OTUD7A: variants seen among roughly 807,000 people sequenced by gnomAD.
OTUD7A encodes the protein OTU deubiquitinase 7A, also known as OTU domain-containing protein 7A.
In OTUD7A, 12 loss-of-function variants were observed where a neutral mutation model predicts 65.7. The observed-to-expected ratio is 0.18, with a 90% confidence interval of 0.12 to 0.30. OTUD7A has a LOEUF of 0.30. Among genes scored for constraint, OTUD7A ranks in the 10% least tolerant of loss-of-function variants. The pLI is 1.00. For missense variants in OTUD7A, 1,148 were observed against 1,304.8 expected (o/e 0.88, Z 1.85); for synonymous variants, 641 against 586.3 (o/e 1.09, Z -1.35).
chr15:31,840,992 G>A (rs948004240), intron 1 of OTUD7A, among the ~76,000 whole-genome samples: 30 of 152,254 alleles, frequency 2.0e-4, no homozygotes, highest in East Asian at 7.7e-4. Flanking sequence ...GAGGAATGCC[G>A]TCACCTGTGC....
chr15:31,751,640 G>C (rs1025553103), intron 1 of OTUD7A, among the ~76,000 whole-genome samples: 1 of 152,060 alleles, frequency 6.6e-6, no homozygotes, highest in Non-Finnish European at 1.5e-5. Flanking sequence ...ACTATTCACA[G>C]CAACAAAGAC....
chr15:31,662,937 C>T (rs1892206180), intron 1 of OTUD7A, among the ~76,000 whole-genome samples: 2 of 152,090 alleles, frequency 1.3e-5, no homozygotes, highest in Admixed American at 1.3e-4. Flanking sequence ...CTATTGATTT[C>T]TGTGTGCTAA....
At position 31,703,856 on chromosome 15, in the gene OTUD7A, C is replaced by G. The variant is rs566997655; in HGVS notation, c.-99-46779G>C. Among the ~76,000 whole-genome samples the G allele has an allele frequency of 1.8e-3, 276 of 150,986 alleles. 3 individuals carry two copies. The highest frequency in any genetic ancestry group is 0.017 in the Middle Eastern group (5 of 294). On this transcript the variant is annotated intron_variant, in intron 1 of 12. Coordinates refer to ENST00000307050, the MANE Select transcript of OTUD7A (RefSeq NM_001382637.1). ...GAATGACTAAACAAACTGTGGAATGCCCATACCATGAAATACTACTCAGTA... is the reference window on the plus strand; with the variant it reads ...GAATGACTAAACAAACTGTGGAATGGCCATACCATGAAATACTACTCAGTA...
chr15:31,649,331 C>G (rs576441900), intron 3 of OTUD7A, among the ~76,000 whole-genome samples: 66 of 152,316 alleles, frequency 4.3e-4, no homozygotes, highest in African/African-American at 1.4e-3. Context: ...AGGTTGTGAT[C>G]AGCCTCTGCT....
rs562217060 is a variant in OTUD7A at position 31,659,491 on chromosome 15, G to A, written c.-99-2414C>T. ...TCTAAGAGGGTGCAAAAACACTCAGGAATCGACATAAACAACATTTTAGTG... is the reference window on the plus strand; with the variant it reads ...TCTAAGAGGGTGCAAAAACACTCAGAAATCGACATAAACAACATTTTAGTG... On this transcript the variant is annotated intron_variant, in intron 1 of 12. Transcript: ENST00000307050. 1.6e-4 allele frequency among the ~76,000 whole-genome samples: 25 copies of A among 152,330 alleles called. 1 individual carries two copies. The East Asian group carries it at 4.6e-3, about 28-fold the overall frequency.
chr15:31,545,452 G>A (rs1437322024), intron 5 of OTUD7A, among the ~76,000 whole-genome samples: 1 of 152,008 alleles, frequency 6.6e-6, no homozygotes, highest in Admixed American at 6.6e-5. Context: ...TCATCAAAGT[G>A]TATCAGTCAG....
intron 10 of OTUD7A, among the ~76,000 whole-genome samples, chr15:31,496,574 T>G (rs1003320260): frequency 1.3e-5 from 2 of 152,256 alleles, no homozygotes; most frequent in African/African-American, 2.4e-5. Flanking sequence ...GAATATGTAA[T>G]GATACTTGTA....
Position 31,600,074 on chromosome 15 carries a change from T to G in OTUD7A, c.152-29877A>C, listed in dbSNP as rs528230352. ...CCAAGATGGAAAACACTCTTCAGGA[T>G]ATTATCTAGGAGAACTTCCCCAACC... On this transcript the variant is annotated intron_variant, in intron 3 of 12. Transcript: ENST00000307050. 2.0e-5 allele frequency among the ~76,000 whole-genome samples: 3 copies of G among 152,250 alleles called. No individual in the cohort carries two copies. In the East Asian group the frequency reaches 5.8e-4, roughly 29 times the overall value.
Position 31,484,293 on chromosome 15 carries a change from C to A in OTUD7A, c.1803G>T (p.Lys601Asn). 6.3e-7 allele frequency: 1 copy of A among 1,595,916 alleles called. No homozygotes were observed. The highest frequency in any genetic ancestry group is 8.5e-7 in the Non-Finnish European group (1 of 1,175,810). ...SEKTTPSPTD[K>N]AAGASPAEKG... ...TCTCCGCCGGCGACGCGCCCGCTGC[C>A]TTGTCTGTGGGCGACGGCGTGGTCT... Residue 601 changes from lysine (K) to asparagine (N), a missense_variant, in exon 13 of 13, where the codon AAG becomes AAT. Lys to Asn is a moderately conservative substitution (Grantham distance 94). Coordinates refer to ENST00000307050, the MANE Select transcript of OTUD7A (RefSeq NM_001382637.1). The surrounding 1 kb of genome is among the most constrained non-coding windows in gnomAD (Gnocchi z 4.5).
At chr15:31,669,322 T>C (rs1892416778) in intron 1 of OTUD7A, among the ~76,000 whole-genome samples, 2 of 152,200 alleles carry the variant, frequency 1.3e-5, no homozygotes, top group Non-Finnish European at 2.9e-5. Flanking sequence ...TGCGTCTTGC[T>C]GAGGCTGCTG....
intron 3 of OTUD7A, among the ~76,000 whole-genome samples, chr15:31,606,180 T>C (rs774443854): frequency 3.9e-5 from 6 of 152,194 alleles, no homozygotes; most frequent in Non-Finnish European, 8.8e-5. Flanking sequence ...ATAACCTATA[T>C]TTCACATAAA....
chr15:31,692,966 G>A (rs1419420240), intron 1 of OTUD7A, among the ~76,000 whole-genome samples: 1 of 151,482 alleles, frequency 6.6e-6, no homozygotes, highest in Non-Finnish European at 1.5e-5. Context: ...TCTCTTGGTG[G>A]ATGGCTTTAT....
chr15:31,620,353 T>C (rs1890739968), intron 3 of OTUD7A, among the ~76,000 whole-genome samples: 2 of 152,172 alleles, frequency 1.3e-5, no homozygotes, highest in African/African-American at 4.8e-5. Flanking sequence ...TACCAGCTCC[T>C]CCTTTTACCT....
intron 8 of OTUD7A, among the ~76,000 whole-genome samples, chr15:31,515,587 C>A (rs1412118542): frequency 1.3e-5 from 2 of 151,890 alleles, no homozygotes; most frequent in African/African-American, 4.8e-5. Flanking sequence ...TCTATCCATC[C>A]ATTCATCCAT....
At chr15:31,758,353 C>T (rs559032465) in intron 1 of OTUD7A, among the ~76,000 whole-genome samples, 19 of 152,270 alleles carry the variant, frequency 1.2e-4, no homozygotes, top group Admixed American at 1.1e-3. Context: ...CAAGAACGGC[C>T]CTGCTGTGTA....
chr15:31,711,903 A>T (rs1893456346), intron 1 of OTUD7A, among the ~76,000 whole-genome samples: 1 of 151,920 alleles, frequency 6.6e-6, no homozygotes, highest in African/African-American at 2.4e-5. Context: ...CTGAAAGGTG[A>T]TTTTTCCTGC....
At chr15:31,752,825 A>T (rs1051513597) in intron 1 of OTUD7A, among the ~76,000 whole-genome samples, 13 of 152,200 alleles carry the variant, frequency 8.5e-5, no homozygotes, top group Middle Eastern at 3.2e-3. Flanking sequence ...TTGCCATATA[A>T]CAAAGTCTGA....
intron 1 of OTUD7A, among the ~76,000 whole-genome samples, chr15:31,809,554 G>C (rs1353111314): frequency 6.6e-6 from 1 of 152,208 alleles, no homozygotes; most frequent in Non-Finnish European, 1.5e-5. Flanking sequence ...CAGATTTCCA[G>C]GAAGTATTTG....
chr15:31,607,611 T>C (rs1408356990), intron 3 of OTUD7A, among the ~76,000 whole-genome samples: 1 of 152,148 alleles, frequency 6.6e-6, no homozygotes, highest in Non-Finnish European at 1.5e-5. Flanking sequence ...AGCTGAAAAA[T>C]TCCTATTGCC....
Sources: gnomAD v4.1 joint callset for allele counts (sites outside exome capture counted in the v4.1 genomes callset) on GRCh38, gnomAD v4.1.1 for gene constraint, Gnocchi (gnomAD v3.1) non-coding constraint, MANE v1.5 for transcripts, NCBI Gene and HGNC (gene_info 2026-07-23, HGNC 2026-07-21) for gene names.